ZNF385D: variants seen among roughly 807,000 people sequenced by gnomAD.
ZNF385D encodes the protein zinc finger protein 659.
In ZNF385D, 15 loss-of-function variants were observed where a neutral mutation model predicts 35.8. The ratio of observed to expected loss-of-function variants is 0.42; its 90% CI spans 0.28 to 0.64. The LOEUF (loss-of-function observed/expected upper bound fraction) is 0.64, where lower values mean the gene tolerates loss of function less well. ZNF385D is among the 30% of genes least tolerant of loss of function. The pLI, the probability that ZNF385D is intolerant of heterozygous loss-of-function variation, is 0.23. For missense variants in ZNF385D, 474 were observed against 494.6 expected, an observed-to-expected ratio of 0.96 and a Z score of 0.39; for synonymous variants, 212 against 186.8, an observed-to-expected ratio of 1.13 and a Z score of -1.10.
At chr3:22,213,179 C>T (rs1051842847) in intron 2 of ZNF385D, among the ~76,000 whole-genome samples, 10 of 151,988 alleles carry the variant, frequency 6.6e-5, no homozygotes, top group Non-Finnish European at 1.0e-4. Context: ...ATAATAATGT[C>T]ATAGTTTGGC....
At chr3:21,462,476 G>A (rs561981291) in intron 4 of ZNF385D, among the ~76,000 whole-genome samples, 3 of 152,220 alleles carry the variant, frequency 2.0e-5, no homozygotes, top group Non-Finnish European at 4.4e-5. Context: ...AGGCAGGTAG[G>A]TAAATACCTT....
chr3:22,277,202 A>T (rs1244928120), intron 2 of ZNF385D, among the ~76,000 whole-genome samples: 1 of 152,144 alleles, frequency 6.6e-6, no homozygotes, highest in African/African-American at 2.4e-5. Flanking sequence ...AAGGGAAGCA[A>T]GTTAGCAGTG....
intron 2 of ZNF385D, among the ~76,000 whole-genome samples, chr3:21,621,223 TTAA>T (rs1255387810): frequency 3.3e-5 from 5 of 152,240 alleles, no homozygotes; most frequent in African/African-American, 1.2e-4. Context: ...ATCAGGGAAG[TTAA>T]TGATGCAAAA....
chr3:21,869,068 C>T (rs1679217), intron 3 of ZNF385D, among the ~76,000 whole-genome samples: 69,148 of 151,898 alleles, frequency 0.46, 16,090 homozygotes, highest in African/African-American at 0.53. Flanking sequence ...AAACTTACAG[C>T]GTCGGTTTTC....
At chr3:21,455,802 A>G (rs572864681) in intron 4 of ZNF385D, among the ~76,000 whole-genome samples, 1 of 152,320 alleles carries the variant, frequency 6.6e-6, no homozygotes, top group African/African-American at 2.4e-5. Context: ...GTGAACAGGC[A>G]ACCTACAGAA....
In ZNF385D at chr3:21,644,658, G is replaced by A. The variant is rs2065700149; in HGVS notation, c.165+20228C>T. On this transcript the variant is annotated intron_variant, in intron 2 of 7. Coordinates refer to ENST00000281523, the MANE Select transcript of ZNF385D (RefSeq NM_024697.3). ...CCTGCTGTATATTCCAGGAAAGACTGAACACAATTAAAATTGTATCTTTAC... is the reference window on the plus strand; with the variant it reads ...CCTGCTGTATATTCCAGGAAAGACTAAACACAATTAAAATTGTATCTTTAC... Among the ~76,000 whole-genome samples the A allele has an allele frequency of 2.0e-5, 3 of 152,080 alleles. No individual in the cohort carries two copies. In the South Asian group the frequency reaches 6.2e-4, roughly 31 times the overall value.
At chr3:22,311,057 T>A (rs960443625) in intron 2 of ZNF385D, among the ~76,000 whole-genome samples, 1 of 151,802 alleles carries the variant, frequency 6.6e-6, no homozygotes, top group African/African-American at 2.4e-5. Context: ...AAGGAATGAC[T>A]AGAAGCAAGC....
chr3:21,850,478 G>C (rs1696314596), intron 3 of ZNF385D, among the ~76,000 whole-genome samples: 1 of 152,078 alleles, frequency 6.6e-6, no homozygotes, highest in African/African-American at 2.4e-5. Flanking sequence ...CCTGGAATTT[G>C]TGAGGCAAAA....
At chr3:22,281,405 G>A (rs1459907756) in intron 2 of ZNF385D, among the ~76,000 whole-genome samples, 1 of 152,042 alleles carries the variant, frequency 6.6e-6, no homozygotes, top group African/African-American at 2.4e-5. Context: ...CCTAAGATAT[G>A]TCCCTTCTAT....
chr3:21,484,009 CAG>C (rs1553599208), intron 4 of ZNF385D, among the ~76,000 whole-genome samples: 3 of 152,152 alleles, frequency 2.0e-5, no homozygotes, highest in Admixed American at 2.0e-4. Context: ...GTAATTTGGA[CAG>C]GGGAAATTTA....
chr3:22,027,827 T>G, intron 3 of ZNF385D, among the ~76,000 whole-genome samples: 1 of 152,086 alleles, frequency 6.6e-6, no homozygotes, highest in African/African-American at 2.4e-5. Flanking sequence ...AATGGCCTCA[T>G]GGGGGGTTCT....
At chr3:21,586,199 C>G (rs899847472) in intron 2 of ZNF385D, among the ~76,000 whole-genome samples, 1 of 151,980 alleles carries the variant, frequency 6.6e-6, no homozygotes, top group African/African-American at 2.4e-5. Context: ...GAGGGAGACT[C>G]TGTCCCTAAG....
Position 21,567,890 on chromosome 3 carries a change from A to G in ZNF385D, c.166-3206T>C, listed in dbSNP as rs536182727. Among the ~76,000 whole-genome samples, 271 of 152,240 alleles carry G rather than the reference A, an allele frequency of 1.8e-3. 1 individual carries two copies. Among genetic ancestry groups the G allele is most frequent in the South Asian group, 9.5e-3 (46 of 4,828 alleles). ...GTGACCACATTCAATCCAAATTTGTAGAGGAGGTATTTTGGGACTAGTCAC... is the reference window on the plus strand; with the variant it reads ...GTGACCACATTCAATCCAAATTTGTGGAGGAGGTATTTTGGGACTAGTCAC... On this transcript the variant is annotated intron_variant, in intron 2 of 7. Transcript: ENST00000281523.
At chr3:21,456,025 A>G (rs1702786346) in intron 4 of ZNF385D, among the ~76,000 whole-genome samples, 1 of 152,206 alleles carries the variant, frequency 6.6e-6, no homozygotes, top group South Asian at 2.1e-4. Flanking sequence ...GCAAATCAAA[A>G]CCACAATGAG....
At position 21,642,416 on chromosome 3, in the gene ZNF385D, C is replaced by A. The variant is rs75013106; in HGVS notation, c.165+22470G>T. Reference sequence around the variant, plus strand: ...CGAGTATCACCCCAGTTAAACACTGCCACTTCACTGGGATTACAGGTGTGA... The same window carrying A: ...CGAGTATCACCCCAGTTAAACACTGACACTTCACTGGGATTACAGGTGTGA... On this transcript the variant is annotated intron_variant, in intron 2 of 7. Transcript: ENST00000281523. Among the ~76,000 whole-genome samples the A allele has an allele frequency of 2.9e-3, 435 of 152,122 alleles. 2 individuals are homozygous for A. The highest frequency in any genetic ancestry group is 0.01 in the African/African-American group (423 of 41,532).
Position 22,087,165 on chromosome 3 carries a change from T to C in ZNF385D, c.325+81652A>G, listed in dbSNP as rs1474182815. 4.6e-5 allele frequency among the ~76,000 whole-genome samples: 7 copies of C among 152,282 alleles called. No individual in the cohort carries two copies. In the East Asian group the frequency reaches 1.4e-3, roughly 29 times the overall value. On this transcript the variant is annotated intron_variant, in intron 3 of 5. Coordinates refer to the ZNF385D transcript ENST00000494108. ...TCTTTTTTGAAACAGCATTATTTGA[T>C]GTCACAAATTACTGAAAAGTATGTC... is the stretch of plus-strand genomic sequence containing the variant.
chr3:21,656,480 C>T (rs995191493), intron 2 of ZNF385D, among the ~76,000 whole-genome samples: 1 of 151,918 alleles, frequency 6.6e-6, no homozygotes, highest in Non-Finnish European at 1.5e-5. Context: ...ATGCAAGTCT[C>T]TGTGTGCAAA....
intron 3 of ZNF385D, among the ~76,000 whole-genome samples, chr3:22,131,357 T>G (rs181048456): frequency 6.6e-6 from 1 of 151,920 alleles, no homozygotes; most frequent in Non-Finnish European, 1.5e-5. Flanking sequence ...CAATGCCTAT[T>G]TGGAGTAGAT....
At chr3:22,099,591 G>A (rs768302691) in intron 3 of ZNF385D, among the ~76,000 whole-genome samples, 8 of 151,992 alleles carry the variant, frequency 5.3e-5, no homozygotes, top group Non-Finnish European at 8.8e-5. Context: ...TTAATTTGAG[G>A]GTAAACCTGA....
Sources: gnomAD v4.1 joint callset for allele counts (sites outside exome capture counted in the v4.1 genomes callset) on GRCh38, gnomAD v4.1.1 for gene constraint, MANE v1.5 for transcripts, NCBI Gene and HGNC (gene_info 2026-07-23, HGNC 2026-07-21) for gene names.